ZNF251: variants seen among roughly 807,000 people sequenced by gnomAD.
The protein encoded by ZNF251 is zinc finger protein 251.
A neutral mutation model predicts 13.5 loss-of-function variants in ZNF251; 14 were observed. The observed-to-expected ratio is 1.04, with a 90% CI of 0.69 to 1.63. The LOEUF is 1.63. Among genes scored for constraint, ZNF251 ranks in the 40% most tolerant of loss-of-function variants. The pLI is 0.00. For synonymous variants in ZNF251, 287 were observed against 295.2 expected (o/e 0.97, Z 0.28); for missense variants, 764 against 834.9 (o/e 0.92, Z 1.05).
intron 4 of ZNF251, among the ~76,000 whole-genome samples, chr8:144,737,786 C>T (rs1003182037): frequency 1.0e-4 from 13 of 129,654 alleles, no homozygotes; most frequent in Non-Finnish European, 1.7e-4. Flanking sequence ...GAGCCGAGAT[C>T]GAGATCGCAC....
At position 144,732,144 on chromosome 8, in the gene ZNF251, T is replaced by G. The variant is rs185839571; in HGVS notation, c.278-8762A>C. Among the ~76,000 whole-genome samples the G allele has an allele frequency of 2.0e-5, 3 of 152,046 alleles. No homozygotes were observed. In the East Asian group the frequency reaches 5.8e-4, roughly 30 times the overall value. On this transcript the variant is annotated intron_variant, in intron 4 of 4. Transcript: ENST00000292562. ...TTTTTTGTAAAGACGGAGTTTACCA[T>G]GTTGGCCAGGCTTGTGTCAAACTCC...
At chr8:144,732,829 A>G (rs62531474) in intron 4 of ZNF251, among the ~76,000 whole-genome samples, 2 of 149,988 alleles carry the variant, frequency 1.3e-5, no homozygotes, top group Admixed American at 1.3e-4. Context: ...AAAAAAAAAA[A>G]ATACATTGGA....
At chr8:144,752,204 C>G (rs189970872) in intron 4 of ZNF251, among the ~76,000 whole-genome samples, 3 of 150,106 alleles carry the variant, frequency 2.0e-5, no homozygotes, top group Non-Finnish European at 4.4e-5. Context: ...ACCACCTTGA[C>G]TTAACTGATA....
At chr8:144,754,091 A>G in intron 3 of ZNF251, 101 bp downstream of exon 3, 5 of 1,467,532 alleles carry the variant, frequency 3.4e-6, no homozygotes, top group Non-Finnish European at 4.6e-6. Flanking sequence ...CCCGGGGACA[A>G]GGGGCAGGAC....
intron 2 of ZNF251, 21 bp from the exon 3 acceptor site, chr8:144,754,342 T>A: frequency 6.3e-7 from 1 of 1,583,864 alleles, no homozygotes; most frequent in Non-Finnish European, 8.6e-7. Context: ...ACATCGCCGC[T>A]GCCCAGGCCA....
chr8:144,732,142 C>T (rs1004885644), intron 4 of ZNF251, among the ~76,000 whole-genome samples: 5 of 151,918 alleles, frequency 3.3e-5, no homozygotes, highest in African/African-American at 1.2e-4. Flanking sequence ...CGGAGTTTAC[C>T]ATGTTGGCCA....
chr8:144,738,425 A>G, intron 4 of ZNF251: 1 of 354,844 alleles, frequency 2.8e-6, no homozygotes, highest in Non-Finnish European at 3.9e-6. Context: ...AGCTCAGGAC[A>G]CCTCCCACCC....
chr8:144,755,502 G>A lies in ZNF251; in HGVS notation c.-173C>T, dbSNP rs1052699627. The A allele has an allele frequency of 1.6e-5, 21 of 1,286,516 alleles. No individual in the cohort carries two copies. Among genetic ancestry groups the A allele is most frequent in the East Asian group, 5.6e-5 (1 of 17,964 alleles). 79.7% of individuals were successfully genotyped at this position (1,286,516 alleles called of 1,614,324 possible). A position where few individuals can be genotyped will look rare whatever the true frequency, so the allele number is the denominator to read the frequency against. On this transcript the variant is annotated 5_prime_UTR_variant, in exon 1 of 5. Transcript: ENST00000292562. ...ACCCTCCCACAGAACCGGGTCCAGA[G>A]CCGGGGAGGGGGCGGGCTAGGATGA...
chr8:144,733,092 T>C (rs1449130200), intron 4 of ZNF251, among the ~76,000 whole-genome samples: 3 of 151,204 alleles, frequency 2.0e-5, no homozygotes, highest in Non-Finnish European at 4.4e-5. Context: ...CGTGGTGGCA[T>C]ATGCCTGTAG....
chr8:144,754,190 A>G lies in ZNF251; in HGVS notation c.163+2T>C. 1 of 1,612,412 alleles carries G rather than the reference A, an allele frequency of 6.2e-7. No homozygotes were observed. Among genetic ancestry groups the G allele is most frequent in the African/African-American group, 1.3e-5 (1 of 75,020 alleles). The stretch of plus-strand genomic sequence containing the variant: ...AACCAGGCCAAGTGCAGAGAGCCTC[A>G]CCCAGAGAGGCCACGTTCCCATAGT... On this transcript the variant is annotated splice_donor_variant, in intron 3 of 4. Coordinates refer to ENST00000292562, the MANE Select transcript of ZNF251 (RefSeq NM_138367.2). LOFTEE classifies it high-confidence loss of function.
chr8:144,736,460 TTTA>T (rs1823896394), intron 4 of ZNF251, among the ~76,000 whole-genome samples: 22 of 63,654 alleles, frequency 3.5e-4, no homozygotes, highest in Non-Finnish European at 5.0e-4. Context: ...CTTTATTTTA[TTTA>T]TTTATTTATT....
chr8:144,741,389 C>T (rs149483798), intron 4 of ZNF251, among the ~76,000 whole-genome samples: 19 of 152,268 alleles, frequency 1.2e-4, no homozygotes, highest in East Asian at 3.9e-4. Flanking sequence ...CACTCACATG[C>T]GTAAACATGT....
At chr8:144,744,431 TCA>T (rs778922637) in intron 4 of ZNF251, among the ~76,000 whole-genome samples, 10 of 152,202 alleles carry the variant, frequency 6.6e-5, no homozygotes, top group Non-Finnish European at 1.3e-4. Context: ...TCTAGAAGTT[TCA>T]CAGTTTTGTG....
chr8:144,744,003 C>T (rs566114900), intron 4 of ZNF251, among the ~76,000 whole-genome samples: 4,419 of 143,022 alleles, frequency 0.031, 233 homozygotes, highest in African/African-American at 0.11. Flanking sequence ...CTCATTCTCT[C>T]GTTGTCTTTT....
intron 4 of ZNF251, among the ~76,000 whole-genome samples, chr8:144,749,195 G>C (rs1172601913): frequency 6.6e-6 from 1 of 152,048 alleles, no homozygotes; most frequent in Non-Finnish European, 1.5e-5. Context: ...TTTTTAAAAA[G>C]GGGATTATTG....
intron 2 of ZNF251, 120 bp from the exon 3 acceptor site, chr8:144,754,441 G>A (rs750926024): frequency 1.7e-5 from 24 of 1,447,190 alleles, no homozygotes; most frequent in Admixed American, 1.4e-4. Context: ...TATGAACTGT[G>A]TATCAGCAGG....
At chr8:144,741,335 C>T (rs1364851011) in intron 4 of ZNF251, among the ~76,000 whole-genome samples, 5 of 152,158 alleles carry the variant, frequency 3.3e-5, no homozygotes. Flanking sequence ...TGCTGGTGAC[C>T]AGCTGCACAG....
chr8:144,729,440 C>T (rs1239593913), intron 4 of ZNF251, among the ~76,000 whole-genome samples: 1 of 150,976 alleles, frequency 6.6e-6, no homozygotes, highest in East Asian at 2.0e-4. Flanking sequence ...GGGTTCACGC[C>T]ATTCTCCTGC....
intron 4 of ZNF251, among the ~76,000 whole-genome samples, chr8:144,740,041 T>C (rs1714756825): frequency 6.6e-6 from 1 of 152,090 alleles, no homozygotes; most frequent in African/African-American, 2.4e-5. Flanking sequence ...ATCCCAGCAC[T>C]TTGGGAGGCC....
Sources: allele counts gnomAD v4.1 joint callset (sites outside exome capture counted in the v4.1 genomes callset), GRCh38; gene constraint gnomAD v4.1.1; transcripts MANE v1.5; gene names NCBI Gene and HGNC (gene_info 2026-07-23, HGNC 2026-07-21).